The following MYO5B variants were observed in gnomAD, a reference collection of about 807,000 sequenced individuals.
MYO5B encodes the protein myosin VB.
Under a neutral mutation model 229.3 loss-of-function variants are expected in MYO5B, and 143 were observed. That is an observed-to-expected ratio of 0.62 (90% CI 0.54 to 0.72). The LOEUF (loss-of-function observed/expected upper bound fraction) is 0.72. Among genes scored for constraint, MYO5B ranks in the 30% least tolerant of loss-of-function variants. The pLI, the probability that MYO5B is intolerant of heterozygous loss-of-function variation, is 0.00. For synonymous variants in MYO5B, 918 were observed against 885.2 expected (o/e 1.04, Z -0.66); for missense variants, 2,321 against 2,331.0 (o/e 1.00, Z 0.09).
At chr18:49,965,034 C>T (rs1249229112) in intron 10 of MYO5B, among the ~76,000 whole-genome samples, 3 of 152,194 alleles carry the variant, frequency 2.0e-5, no homozygotes, top group African/African-American at 7.2e-5. Flanking sequence ...TAGAGACCGG[C>T]AGGAGAACAA....
intron 5 of MYO5B, among the ~76,000 whole-genome samples, chr18:49,993,887 T>G (rs7233028): frequency 0.013 from 1,962 of 152,270 alleles, 41 homozygotes; most frequent in African/African-American, 0.045. Context: ...GATACAACTT[T>G]CAAATCCTTA....
In MYO5B at chr18:49,837,735, C is replaced by T; in HGVS notation, c.4920G>A (p.Lys1640=). ...LSGVKPTGYR[K]RSSSMADGDN... is the part of the protein sequence containing the mutation. ...CCCCATCTGCCATGCTGGAGGAGCGCTTCCGGTAGCCGGTGGGCTTCACAC... is the reference window on the plus strand; with the variant it reads ...CCCCATCTGCCATGCTGGAGGAGCGTTTCCGGTAGCCGGTGGGCTTCACAC... The change falls in exon 37 of 40, where the codon AAG becomes AAA. Residue 1640 remains lysine, a synonymous_variant. Coordinates refer to ENST00000285039, the MANE Select transcript of MYO5B (RefSeq NM_001080467.3). 1 of 1,614,216 alleles carries T rather than the reference C, an allele frequency of 6.2e-7. No homozygotes were observed.
At chr18:49,965,425 ACAC>A (rs957824638) in intron 10 of MYO5B, among the ~76,000 whole-genome samples, 1 of 150,832 alleles carries the variant, frequency 6.6e-6, no homozygotes, top group African/African-American at 2.4e-5. Context: ...TCATTCACAC[ACAC>A]TTCTTTTCAT....
intron 1 of MYO5B, among the ~76,000 whole-genome samples, chr18:50,141,232 C>G (rs1050014762): frequency 1.3e-5 from 2 of 152,242 alleles, no homozygotes; most frequent in African/African-American, 2.4e-5. Context: ...GCCATGGCAA[C>G]ACCCAGGAGT....
chr18:50,051,355 C>T (rs57468939), intron 2 of MYO5B, among the ~76,000 whole-genome samples: 26,355 of 152,142 alleles, frequency 0.17, 2,349 homozygotes, highest in South Asian at 0.23. Context: ...AAGTCAGGGC[C>T]TTGCCCAGAG....
rs990219096 is a variant in MYO5B at position 49,934,725 on chromosome 18, G to C, written c.2003+1527C>G. Reference sequence around the variant, plus strand: ...CCTAAGCATGTCTCAGAGATTTGGAGGAAGGGAAGAGCAAGCAAGCAGCAC... The same window carrying C: ...CCTAAGCATGTCTCAGAGATTTGGACGAAGGGAAGAGCAAGCAAGCAGCAC... On this transcript the variant is annotated intron_variant, in intron 16 of 39. Transcript: ENST00000285039. Among the ~76,000 whole-genome samples the C allele has an allele frequency of 2.0e-5, 3 of 152,348 alleles. No homozygotes were observed. In the East Asian group the frequency reaches 5.8e-4, roughly 29 times the overall value.
chr18:50,123,897 C>T (rs2032112192), intron 1 of MYO5B, among the ~76,000 whole-genome samples: 1 of 152,190 alleles, frequency 6.6e-6, no homozygotes, highest in Admixed American at 6.5e-5. Flanking sequence ...GCATCAAATA[C>T]TTTATGTATA....
At chr18:49,958,777 AGG>A (rs548506450) in intron 12 of MYO5B, among the ~76,000 whole-genome samples, 1 of 152,266 alleles carries the variant, frequency 6.6e-6, no homozygotes, top group South Asian at 2.1e-4. Context: ...CCTCCACCCA[AGG>A]GACTCACGGA....
At chr18:50,192,678 G>A (rs987863690) in intron 1 of MYO5B, among the ~76,000 whole-genome samples, 30 of 152,078 alleles carry the variant, frequency 2.0e-4, no homozygotes, top group African/African-American at 7.0e-4. Flanking sequence ...ACTATTAGGC[G>A]TCCACCTCAC....
intron 1 of MYO5B, among the ~76,000 whole-genome samples, chr18:50,159,480 G>C (rs150223388): frequency 6.6e-6 from 1 of 152,034 alleles, no homozygotes; most frequent in African/African-American, 2.4e-5. Flanking sequence ...GCTGAGAGAC[G>C]TTAGTGACAT....
At chr18:49,893,214 A>G (rs774234359) in intron 22 of MYO5B, among the ~76,000 whole-genome samples, 5 of 152,188 alleles carry the variant, frequency 3.3e-5, no homozygotes, top group Admixed American at 1.3e-4. Context: ...GAGATAGGTG[A>G]GACCTGATTT....
chr18:50,160,287 G>A (rs1040592211), intron 1 of MYO5B, among the ~76,000 whole-genome samples: 13 of 152,198 alleles, frequency 8.5e-5, no homozygotes, highest in African/African-American at 3.1e-4. Context: ...AGAGGGCAAG[G>A]CTGTGGAGCA....
chr18:50,126,186 A>C (rs1435675976), intron 1 of MYO5B, among the ~76,000 whole-genome samples: 2 of 152,242 alleles, frequency 1.3e-5, no homozygotes, highest in East Asian at 3.8e-4. Context: ...AAAATGTTTA[A>C]AAGTTAAAAA....
At chr18:49,937,737 C>T (rs35991968) in intron 14 of MYO5B, among the ~76,000 whole-genome samples, 54,042 of 151,368 alleles carry the variant, frequency 0.36, 10,649 homozygotes, top group Middle Eastern at 0.58. Flanking sequence ...CAGACACAAA[C>T]GTTCGTATAG....
At chr18:50,058,069 C>T (rs192982839) in intron 1 of MYO5B, among the ~76,000 whole-genome samples, 1 of 152,264 alleles carries the variant, frequency 6.6e-6, no homozygotes, top group African/African-American at 2.4e-5. Flanking sequence ...AAAAAAATCA[C>T]ATGAAAGTCA....
chr18:49,968,778 T>A (rs1000832658), intron 10 of MYO5B, among the ~76,000 whole-genome samples: 4 of 152,142 alleles, frequency 2.6e-5, no homozygotes, highest in Non-Finnish European at 2.9e-5. Flanking sequence ...GGCACTGACT[T>A]TTTTAGCTTT....
chr18:49,923,509 T>C (rs1274938126), intron 17 of MYO5B, among the ~76,000 whole-genome samples: 1 of 152,082 alleles, frequency 6.6e-6, no homozygotes, highest in Non-Finnish European at 1.5e-5. Context: ...AACCGACCAT[T>C]TTGCATGGAG....
intron 1 of MYO5B, among the ~76,000 whole-genome samples, chr18:50,056,973 GCTT>G (rs1222564397): frequency 6.6e-6 from 1 of 152,056 alleles, no homozygotes; most frequent in Non-Finnish European, 1.5e-5. Context: ...CCTTCTCCCT[GCTT>G]CTTAAGCCTG....
In MYO5B at chr18:50,194,083, G is replaced by A. The variant is rs145726475; in HGVS notation, c.27+684C>T. On this transcript the variant is annotated intron_variant, in intron 1 of 39. Coordinates refer to ENST00000285039, the MANE Select transcript of MYO5B (RefSeq NM_001080467.3). ...CTGAAGCCCTCTTTGTACCAAAGAG[G>A]CCGCGTCAAAACATCCATCCCCAGC... Among the ~76,000 whole-genome samples, 1,029 of 152,310 alleles carry A rather than the reference G, an allele frequency of 6.8e-3. 37 individuals carry two copies. The highest frequency in any genetic ancestry group is 0.061 in the Admixed American group (936 of 15,314).
Sources: allele counts gnomAD v4.1 joint callset (sites outside exome capture counted in the v4.1 genomes callset), GRCh38; gene constraint gnomAD v4.1.1; transcripts MANE v1.5; gene names NCBI Gene and HGNC (gene_info 2026-07-23, HGNC 2026-07-21).